The following PCDHA2 variants were observed in gnomAD, a reference collection of about 807,000 sequenced individuals.
PCDHA2 encodes protocadherin alpha 2.
Under a neutral mutation model 66.0 loss-of-function variants are expected in PCDHA2, and 58 were observed. The observed-to-expected ratio is 0.88, with a 90% CI of 0.71 to 1.09. The LOEUF is 1.09. Ranked by LOEUF, PCDHA2 falls within the 50% of genes least tolerant of loss-of-function variation. PCDHA2 has a pLI of 0.00. For synonymous variants in PCDHA2, 634 were observed against 554.0 expected (o/e 1.14, Z -2.03); for missense variants, 1,267 against 1,242.3 (o/e 1.02, Z -0.30).
chr5:140,841,267 A>C, intron 1 of PCDHA2: 1 of 1,524,772 alleles, frequency 6.6e-7, no homozygotes, highest in Non-Finnish European at 8.8e-7. Flanking sequence ...CTGAAAGTAC[A>C]GTCGTTCATC....
Position 141,011,309 on chromosome 5 carries a change from A to G in PCDHA2, c.*1372A>G, listed in dbSNP as rs374038361. On this transcript the variant is annotated 3_prime_UTR_variant, in exon 4 of 4. Coordinates refer to ENST00000526136, the MANE Select transcript of PCDHA2 (RefSeq NM_018905.3). ...CTTTTCTATAACACTCTGAATTGCTAATCTTACTAACACCTATGATGTTAC... is the reference window on the plus strand; with the variant it reads ...CTTTTCTATAACACTCTGAATTGCTGATCTTACTAACACCTATGATGTTAC... 9.8e-5 allele frequency: 15 copies of G among 153,742 alleles called. No homozygotes were observed. The highest frequency in any genetic ancestry group is 1.9e-4 in the Non-Finnish European group (13 of 68,036). 9.5% of individuals were successfully genotyped at this position (153,742 alleles called of 1,614,324 possible). A position where few individuals can be genotyped will look rare whatever the true frequency, so the allele number is the denominator to read the frequency against.
Position 140,829,171 on chromosome 5 carries a change from T to A in PCDHA2, c.2388+31819T>A, listed in dbSNP as rs1455829828. 14 of 1,614,036 alleles carry A rather than the reference T, an allele frequency of 8.7e-6. No individual in the cohort carries two copies. In the African/African-American group the frequency reaches 1.9e-4, roughly 22 times the overall value. ...TGACTTCCTTATCCTTGCCTGTACGTGAAGACGCTCAATTTGGTACTGTCA... is the reference window on the plus strand; with the variant it reads ...TGACTTCCTTATCCTTGCCTGTACGAGAAGACGCTCAATTTGGTACTGTCA... On this transcript the variant is annotated intron_variant, in intron 1 of 3. Coordinates refer to ENST00000526136, the MANE Select transcript of PCDHA2 (RefSeq NM_018905.3).
chr5:140,898,764 T>A (rs2066960471), intron 1 of PCDHA2, among the ~76,000 whole-genome samples: 1 of 152,192 alleles, frequency 6.6e-6, no homozygotes, highest in Non-Finnish European at 1.5e-5. Context: ...GCATTGAATC[T>A]GTAAATTACC....
At chr5:140,949,745 T>C (rs114918785) in intron 1 of PCDHA2, among the ~76,000 whole-genome samples, 49 of 152,020 alleles carry the variant, frequency 3.2e-4, no homozygotes, top group African/African-American at 1.1e-3. Context: ...ACTGAAGTGC[T>C]TAGCCCATTC....
intron 1 of PCDHA2, chr5:140,857,580 C>A (rs782567056): frequency 6.3e-7 from 1 of 1,596,630 alleles, no homozygotes; most frequent in South Asian, 1.1e-5. Context: ...TCGGTGCACG[C>A]GGAGAGCGGC....
chr5:140,827,868 ACT>A (rs1769434817), intron 1 of PCDHA2: 2 of 620,094 alleles, frequency 3.2e-6, no homozygotes, highest in Non-Finnish European at 2.8e-6. Context: ...ATGGTATAGC[ACT>A]GTTACGTGAA....
At chr5:140,858,424 C>A in intron 1 of PCDHA2, 1 of 1,553,410 alleles carries the variant, frequency 6.4e-7, no homozygotes, top group Non-Finnish European at 8.8e-7. Flanking sequence ...TTGGAGGGGA[C>A]CACTCTAGGA....
chr5:140,836,405 G>C, intron 1 of PCDHA2: 1 of 1,613,802 alleles, frequency 6.2e-7, no homozygotes, highest in East Asian at 2.2e-5. Context: ...AAAGCGGCCA[G>C]GCACCAAAGG....
intron 1 of PCDHA2, among the ~76,000 whole-genome samples, chr5:140,886,497 T>A (rs2061000599): frequency 6.6e-6 from 1 of 152,160 alleles, no homozygotes; most frequent in Non-Finnish European, 1.5e-5. Context: ...TATATCTTTT[T>A]CCTTTTATGG....
chr5:140,915,205 C>G (rs1554196797), intron 1 of PCDHA2, among the ~76,000 whole-genome samples: 1 of 152,076 alleles, frequency 6.6e-6, no homozygotes, highest in Non-Finnish European at 1.5e-5. Flanking sequence ...TCTTGGCCTC[C>G]CAAAGTGCTG....
intron 1 of PCDHA2, chr5:140,967,061 C>T: frequency 6.2e-7 from 1 of 1,612,886 alleles, no homozygotes; most frequent in Non-Finnish European, 8.5e-7. Context: ...GAGTGGAGCG[C>T]TCTTCGTCAA....
intron 1 of PCDHA2, among the ~76,000 whole-genome samples, chr5:140,874,556 C>T (rs1194980368): frequency 3.3e-5 from 5 of 152,178 alleles, no homozygotes; most frequent in African/African-American, 4.8e-5. Flanking sequence ...AGAGATCTTT[C>T]GCATTTTAGT....
chr5:140,802,582 T>C lies in PCDHA2; in HGVS notation c.2388+5230T>C. ...GCATTCTCGCAGTCCGAGTACACGGTGTTCGTGAAGGAGAACAACCCGCCG... is the reference window on the plus strand; with the variant it reads ...GCATTCTCGCAGTCCGAGTACACGGCGTTCGTGAAGGAGAACAACCCGCCG... On this transcript the variant is annotated intron_variant, in intron 1 of 3. Transcript: ENST00000526136. 5.6e-6 allele frequency: 9 copies of C among 1,613,510 alleles called. No individual in the cohort carries two copies. The highest frequency in any genetic ancestry group is 1.3e-5 in the African/African-American group (1 of 74,798).
intron 1 of PCDHA2, among the ~76,000 whole-genome samples, chr5:140,976,117 G>C (rs782098917): frequency 5.4e-4 from 82 of 152,208 alleles, no homozygotes; most frequent in Admixed American, 1.4e-3. Flanking sequence ...ATTTTTCCAA[G>C]TTTAATCAAG....
chr5:140,826,458 C>A (rs1001848895), intron 1 of PCDHA2, among the ~76,000 whole-genome samples: 2 of 152,138 alleles, frequency 1.3e-5, no homozygotes, highest in Admixed American at 6.5e-5. Flanking sequence ...GTGTCACAAT[C>A]ATCTGTGAGG....
intron 1 of PCDHA2, among the ~76,000 whole-genome samples, chr5:140,893,358 C>A (rs1385049897): frequency 2.0e-5 from 3 of 152,134 alleles, no homozygotes; most frequent in Admixed American, 6.5e-5. Context: ...AATTTACATG[C>A]CCACCAACAG....
chr5:140,850,924 T>A (rs2150502629), intron 1 of PCDHA2: 3 of 1,517,174 alleles, frequency 2.0e-6, no homozygotes, highest in Non-Finnish European at 1.8e-6. Flanking sequence ...ATTTATATAA[T>A]TTTTTTTCTT....
At chr5:140,967,936 T>G in intron 1 of PCDHA2, 1 of 1,614,226 alleles carries the variant, frequency 6.2e-7, no homozygotes, top group Non-Finnish European at 8.5e-7. Flanking sequence ...TCAGTGTCAA[T>G]GACCAAGACT....
chr5:140,983,518 C>T (rs1417635641), intron 3 of PCDHA2, among the ~76,000 whole-genome samples: 1 of 152,130 alleles, frequency 6.6e-6, no homozygotes, highest in African/African-American at 2.4e-5. Context: ...AGACACTGTG[C>T]CAAGTACATT....
Sources: gnomAD v4.1 joint callset for allele counts (sites outside exome capture counted in the v4.1 genomes callset) on GRCh38, gnomAD v4.1.1 for gene constraint, MANE v1.5 for transcripts, NCBI Gene and HGNC (gene_info 2026-07-23, HGNC 2026-07-21) for gene names.